The following TLE2 variants were observed in gnomAD, a reference collection of about 807,000 sequenced individuals.
TLE2 encodes the protein transducin-like enhancer protein 2.
Under a neutral mutation model 97.2 loss-of-function variants are expected in TLE2, and 74 were observed. That is an observed-to-expected ratio of 0.76 (90% CI 0.63 to 0.92). The LOEUF (loss-of-function observed/expected upper bound fraction) is 0.92, where lower values mean the gene tolerates loss of function less well. Among genes scored for constraint, TLE2 ranks in the 40% least tolerant of loss-of-function variants. The probability of loss-of-function intolerance (pLI) is 0.00; values close to 1 mark genes in which losing one functional copy is unlikely to be tolerated. For synonymous variants in TLE2, 499 were observed against 432.1 expected, an observed-to-expected ratio of 1.15 and a Z score of -1.92; for missense variants, 1,038 against 1,008.7, an observed-to-expected ratio of 1.03 and a Z score of -0.39.
At chr19:3,010,909 G>C in intron 12 of TLE2, 113 bp downstream of exon 12, 1 of 1,405,956 alleles carries the variant, frequency 7.1e-7, no homozygotes, top group Non-Finnish European at 9.5e-7. Flanking sequence ...AAAGGACCAA[G>C]GCAATGAACA....
rs1248470130 is a variant in TLE2, at chr19:3,027,694, A to G, written c.231+135T>C. ...CCTGGTCCCAGATGGGCCCTCTGTG[A>G]CCTCTGCGGAGATTTCAGGATGAGA... On this transcript the variant is annotated intron_variant, in intron 4 of 19. Coordinates refer to ENST00000262953, the MANE Select transcript of TLE2 (RefSeq NM_003260.5). 3 of 826,684 alleles carry G rather than the reference A, an allele frequency of 3.6e-6. No homozygotes were observed. The East Asian group carries it at 8.3e-5, about 23-fold the overall frequency. The allele number at this position is 826,684 out of a possible 1,614,324, so 51.2% of individuals were successfully genotyped here.
At chr19:2,998,270 TGTGTGTA>T (rs1243421225) in intron 19 of TLE2, among the ~76,000 whole-genome samples, 1 of 118,484 alleles carries the variant, frequency 8.4e-6, no homozygotes, top group Admixed American at 9.5e-5. Context: ...TGTGTGTGTG[TGTGTGTA>T]ATTTTTTTTT....
chr19:3,046,997 T>C, upstream of TLE2, among the ~76,000 whole-genome samples: 1 of 91,046 alleles, frequency 1.1e-5, no homozygotes, highest in South Asian at 4.9e-4. Flanking sequence ...CCTCCCTTCC[T>C]GCTATTTTCT....
intron 5 of TLE2, among the ~76,000 whole-genome samples, chr19:3,022,940 A>G (rs903886526): frequency 2.0e-5 from 3 of 152,208 alleles, no homozygotes; most frequent in Non-Finnish European, 2.9e-5. Flanking sequence ...GGCTATGTCA[A>G]TAAAACTTTA....
At chr19:3,037,631 C>T (rs1484684963) in intron 1 of TLE2, among the ~76,000 whole-genome samples, 1 of 152,098 alleles carries the variant, frequency 6.6e-6, no homozygotes, top group Non-Finnish European at 1.5e-5. Context: ...CCTGGGAGCC[C>T]GTGGTAGGAG....
At chr19:3,026,728 T>C (rs1409045829) in intron 4 of TLE2, among the ~76,000 whole-genome samples, 1 of 146,640 alleles carries the variant, frequency 6.8e-6, no homozygotes, top group East Asian at 2.1e-4. Context: ...AGATCACAAG[T>C]TCAGGAACAC....
intron 19 of TLE2, 92 bp downstream of exon 19, chr19:3,000,554 TG>T (rs2089333551): frequency 1.7e-6 from 2 of 1,185,870 alleles, no homozygotes; most frequent in Non-Finnish European, 2.4e-6. Context: ...CGGGGGGACC[TG>T]GGGGACAGGG....
upstream of TLE2, among the ~76,000 whole-genome samples, chr19:3,030,639 A>G (rs2090015964): frequency 1.3e-5 from 2 of 152,204 alleles, no homozygotes; most frequent in South Asian, 4.2e-4. Flanking sequence ...GCCCTTATCA[A>G]TGGGCCAGGG....
Position 3,005,812 on chromosome 19 carries a change from G to A in TLE2, c.1657C>T (p.Leu553=), listed in dbSNP as rs760746883. ...ACCTTGGCGTCGGGGCTGACGGCCA[G>A]GGCGTAGCAGGCTGGGGCTGAGGAA... ...LTSSAPACYA[L]AVSPDAKVCF... Residue 553 remains leucine (L), a synonymous_variant, in exon 16 of 20, where the codon CTG becomes TTG. Transcript: ENST00000262953. 25 of 1,613,908 alleles carry A rather than the reference G, an allele frequency of 1.5e-5. No homozygotes were observed. Among genetic ancestry groups the A allele is most frequent in the Non-Finnish European group, 2.0e-5 (24 of 1,179,896 alleles).
intron 14 of TLE2, among the ~76,000 whole-genome samples, chr19:3,007,369 C>T (rs1046338759): frequency 7.2e-5 from 11 of 152,086 alleles, no homozygotes; most frequent in South Asian, 2.1e-4. Flanking sequence ...GGATTACAGG[C>T]ATGAGCCACC....
chr19:2,998,292 T>G (rs142253716), intron 19 of TLE2, among the ~76,000 whole-genome samples: 8,286 of 148,330 alleles, frequency 0.056, 781 homozygotes, highest in African/African-American at 0.19. Flanking sequence ...TTTTTTTTTT[T>G]TGTGAGACAG....
intron 15 of TLE2, 186 bp downstream of exon 15, chr19:3,006,233 TG>T: frequency 9.9e-7 from 1 of 1,009,026 alleles, no homozygotes; most frequent in Non-Finnish European, 1.5e-6. Flanking sequence ...CAATTCAGAT[TG>T]GCCAGAGCCC....
Position 3,000,631 on chromosome 19 carries a change from C to T in TLE2, c.2124+16G>A. The T allele has an allele frequency of 6.4e-7, 1 of 1,570,040 alleles. No individual in the cohort carries two copies. Among genetic ancestry groups the T allele is most frequent in the South Asian group, 1.2e-5 (1 of 85,312 alleles). ...ACATGGCCCTGCCAGAGTGGGGGCT[C>T]CAGACCGCCGAGTACCTGGAAAATG... is the stretch of plus-strand genomic sequence containing the variant. On this transcript the variant is annotated intron_variant, in intron 19 of 19. Transcript: ENST00000262953.
chr19:3,015,946 G>A (rs1456131364), intron 8 of TLE2, 186 bp from the exon 9 acceptor site: 1 of 685,436 alleles, frequency 1.5e-6, no homozygotes, highest in East Asian at 2.8e-5. Flanking sequence ...CTTCTGTTTT[G>A]TTTTGTTTTT....
chr19:3,011,924 T>C (rs1419005790), intron 11 of TLE2, among the ~76,000 whole-genome samples: 1 of 151,468 alleles, frequency 6.6e-6, no homozygotes, highest in Non-Finnish European at 1.5e-5. Flanking sequence ...ATTCTTTTTT[T>C]TTTTAATACA....
Position 3,029,251 on chromosome 19 carries a change from C to A in TLE2, c.-347G>T, listed in dbSNP as rs1488232360. 1 of 241,398 alleles carries A rather than the reference C, an allele frequency of 4.1e-6. No homozygotes were observed. The highest frequency in any genetic ancestry group is 1.9e-4 in the East Asian group (1 of 5,172). The allele number at this position is 241,398 out of a possible 1,614,324, so 15.0% of individuals were successfully genotyped here. A position where few individuals can be genotyped will look rare whatever the true frequency, so the allele number is the denominator to read the frequency against. ...GGCGGCGCGGGCGGCGGGCCCCGCGCGGAGCCGCCTCCCTCCGGCGGGGCT... is the reference window on the plus strand; with the variant it reads ...GGCGGCGCGGGCGGCGGGCCCCGCGAGGAGCCGCCTCCCTCCGGCGGGGCT... On this transcript the variant is annotated 5_prime_UTR_variant, in exon 1 of 20. Coordinates refer to ENST00000262953, the MANE Select transcript of TLE2 (RefSeq NM_003260.5).
rs761836627 is a variant in TLE2, at chr19:3,000,620, G to C, written c.2124+27C>G. ...CATACCCGGGCACATGGCCCTGCCA[G>C]AGTGGGGGCTCCAGACCGCCGAGTA... On this transcript the variant is annotated intron_variant, in intron 19 of 19. Transcript: ENST00000262953. The C allele has an allele frequency of 3.6e-5, 57 of 1,562,008 alleles. No individual in the cohort carries two copies. In the South Asian group the frequency reaches 5.1e-4, roughly 14 times the overall value.
At chr19:2,998,139 T>A (rs1369080466) in intron 19 of TLE2, among the ~76,000 whole-genome samples, 184 bp from the exon 20 acceptor site, 1 of 151,896 alleles carries the variant, frequency 6.6e-6, no homozygotes, top group Non-Finnish European at 1.5e-5. Context: ...GGTGCGATCT[T>A]GGCTCACTGC....
At chr19:3,031,163 A>G (rs2145219769), upstream of TLE2, among the ~76,000 whole-genome samples, 1 of 152,164 alleles carries the variant, frequency 6.6e-6, no homozygotes, top group African/African-American at 2.4e-5. Context: ...GACTATTTGT[A>G]CAGACAGAGG....
Sources: gnomAD v4.1 joint callset for allele counts (sites outside exome capture counted in the v4.1 genomes callset) on GRCh38, gnomAD v4.1.1 for gene constraint, MANE v1.5 for transcripts, NCBI Gene and HGNC (gene_info 2026-07-23, HGNC 2026-07-21) for gene names.